Variants in MASTL observed in about 807,000 individuals in gnomAD.
MASTL encodes the protein microtubule associated serine/threonine kinase like, also known as serine/threonine-protein kinase greatwall.
Under a neutral mutation model 82.5 loss-of-function variants are expected in MASTL, and 54 were observed. That is an observed-to-expected ratio of 0.65 (90% CI 0.53 to 0.82). The LOEUF (loss-of-function observed/expected upper bound fraction) is 0.82, where lower values mean the gene tolerates loss of function less well. Among genes scored for constraint, MASTL ranks in the 40% least tolerant of loss-of-function variants. The probability of loss-of-function intolerance (pLI) is 0.00; values close to 1 mark genes in which losing one functional copy is unlikely to be tolerated. For missense variants in MASTL, 950 were observed against 1,047.8 expected (o/e 0.91, Z 1.29); for synonymous variants, 323 against 368.9 (o/e 0.88, Z 1.43).
rs768184300 is a variant in MASTL, at chr10:27,170,190, A to G, written c.1231A>G (p.Met411Val). 3 of 1,614,170 alleles carry G rather than the reference A, an allele frequency of 1.9e-6. No homozygotes were observed. Among genetic ancestry groups the G allele is most frequent in the East Asian group, 2.2e-5 (1 of 44,882 alleles). ...AVELDVNNIN[M>V]DTDTSQLGFH... is the part of the protein sequence containing the mutation. ...AGAACTGGATGTAAATAATATAAATATGGACACTGACACAAGTCAGTTAGG... is the reference window on the plus strand; with the variant it reads ...AGAACTGGATGTAAATAATATAAATGTGGACACTGACACAAGTCAGTTAGG... The change falls in exon 8 of 12, where the codon ATG (methionine) becomes GTG (valine). Residue 411 changes from methionine (M) to valine (V), a missense_variant. Transcript: ENST00000375940.
chr10:27,183,402 G>A (rs1009844999), intron 11 of MASTL, among the ~76,000 whole-genome samples: 10 of 151,956 alleles, frequency 6.6e-5, no homozygotes, highest in African/African-American at 2.4e-4. Context: ...TCCTGCCTCA[G>A]CCCCCCAAGT....
At chr10:27,161,926 C>G (rs2057585892) in intron 4 of MASTL, among the ~76,000 whole-genome samples, 1 of 151,984 alleles carries the variant, frequency 6.6e-6, no homozygotes. Flanking sequence ...AACAAAAGGA[C>G]AAAGAAAATG....
chr10:27,179,302 C>T (rs976729976), intron 9 of MASTL, among the ~76,000 whole-genome samples: 5 of 152,136 alleles, frequency 3.3e-5, no homozygotes, highest in Non-Finnish European at 5.9e-5. Flanking sequence ...CGCCTGTAAT[C>T]CAAGCACTTT....
At chr10:27,186,317 C>T in intron 11 of MASTL, 62 bp from the exon 12 acceptor site, 1 of 1,449,862 alleles carries the variant, frequency 6.9e-7, no homozygotes, top group Non-Finnish European at 9.7e-7. Flanking sequence ...ATAATAATTC[C>T]TGTAAAGCAG....
In MASTL at chr10:27,180,652, A is replaced by G. The variant is rs1485693480; in HGVS notation, c.2267-301A>G. On this transcript the variant is annotated intron_variant, in intron 9 of 11. Coordinates refer to ENST00000375940, the MANE Select transcript of MASTL (RefSeq NM_001172303.3). ...GGTAATCCACCCTCCCCAGCCACCC[A>G]AAGTGCCAGGATTACAGGCATAAGC... Among the ~76,000 whole-genome samples the G allele has an allele frequency of 2.0e-5, 3 of 152,102 alleles. No individual in the cohort carries two copies. In the East Asian group the frequency reaches 5.8e-4, roughly 29 times the overall value.
chr10:27,175,747 A>C (rs370469242), intron 9 of MASTL, among the ~76,000 whole-genome samples: 10 of 152,296 alleles, frequency 6.6e-5, no homozygotes, highest in Middle Eastern at 3.4e-3. Context: ...CAGCAGACAG[A>C]CAGCCAATCT....
intron 1 of MASTL, among the ~76,000 whole-genome samples, chr10:27,156,757 T>G (rs1189137808): frequency 6.6e-6 from 1 of 151,616 alleles, no homozygotes; most frequent in East Asian, 1.9e-4. Context: ...TGACCTCAGG[T>G]GACCCGCCCA....
intron 9 of MASTL, among the ~76,000 whole-genome samples, chr10:27,177,016 T>C (rs1222421471): frequency 6.6e-6 from 1 of 152,034 alleles, no homozygotes; most frequent in Non-Finnish European, 1.5e-5. Flanking sequence ...GGCTAATTTT[T>C]GTATTTTTAG....
chr10:27,155,730 T>G, intron 1 of MASTL, 118 bp downstream of exon 1: 1 of 1,157,648 alleles, frequency 8.6e-7, no homozygotes, highest in Non-Finnish European at 1.3e-6. Context: ...CCTGGCTTGC[T>G]GAAGCCTCCA....
Position 27,155,595 on chromosome 10 carries a change from A to C in MASTL, c.169A>C (p.Lys57Gln). 6.2e-7 allele frequency: 1 copy of C among 1,614,192 alleles called. No homozygotes were observed. The highest frequency in any genetic ancestry group is 1.1e-5 in the South Asian group (1 of 91,084). ...AGTGTATCTGGGGCAGAAAGGCGGC[A>C]AATTGTATGCAGTAAAGGTAGGAAG... is the stretch of plus-strand genomic sequence containing the variant. ...GKVYLGQKGG[K>Q]LYAVKVVKKA... is the part of the protein sequence containing the mutation. Residue 57 changes from lysine (K) to glutamine (Q), a missense_variant, in exon 1 of 12, where the codon AAA (lysine) becomes CAA (glutamine). By Grantham distance (53) the Lys-to-Gln change is moderately conservative. Coordinates refer to ENST00000375940, the MANE Select transcript of MASTL (RefSeq NM_001172303.3).
intron 8 of MASTL, among the ~76,000 whole-genome samples, chr10:27,172,514 C>G (rs1273713551): frequency 6.6e-6 from 1 of 152,050 alleles, no homozygotes; most frequent in East Asian, 1.9e-4. Flanking sequence ...ATTAGCCAGG[C>G]ATGGTGGTGT....
rs570827093 is a variant in MASTL at position 27,185,840 on chromosome 10, A to C, written c.2483-539A>C. On this transcript the variant is annotated intron_variant, in intron 11 of 11. Transcript: ENST00000375940. ...CATGGTGACTCACACCTGTAATCCC[A>C]GCACTTTGGAAGGCCAAGGTGGGCA... Among the ~76,000 whole-genome samples the C allele has an allele frequency of 1.4e-3, 217 of 151,468 alleles. 2 individuals are homozygous for C. The South Asian group carries it at 0.022, about 15-fold the overall frequency.
chr10:27,173,045 G>A (rs2057999714), intron 8 of MASTL, 73 bp from the exon 9 acceptor site: 1 of 1,574,064 alleles, frequency 6.4e-7, no homozygotes. Flanking sequence ...TTTGGCTTGT[G>A]TGTTTCACCA....
chr10:27,182,103 A>G (rs2058351008), intron 11 of MASTL, among the ~76,000 whole-genome samples: 1 of 149,002 alleles, frequency 6.7e-6, no homozygotes, highest in Non-Finnish European at 1.5e-5. Context: ...TACAAAAATT[A>G]GGCCCAGCGT....
chr10:27,157,238 A>G (rs1390591657), intron 1 of MASTL, among the ~76,000 whole-genome samples: 3 of 152,164 alleles, frequency 2.0e-5, no homozygotes, highest in African/African-American at 7.2e-5. Flanking sequence ...GATCTGATTG[A>G]ATTGGTTACT....
intron 11 of MASTL, 83 bp downstream of exon 11, chr10:27,181,664 G>C: frequency 9.5e-7 from 1 of 1,049,682 alleles, no homozygotes; most frequent in Admixed American, 1.8e-5. Flanking sequence ...GTTCTGGCTG[G>C]GCGTGGTGGC....
chr10:27,169,962 G>A lies in MASTL; in HGVS notation c.1003G>A (p.Gly335Ser). Residue 335 changes from glycine to serine, a missense_variant, in exon 8 of 12, where the codon GGC becomes AGC. Gly to Ser is a moderately conservative substitution (Grantham distance 56). Transcript: ENST00000375940. Reference sequence around the variant, plus strand: ...CTCTTAGGAAAGTGATGAAGCATTGGGCCCAACAATGATGAGTTGGAATGC... The same window carrying A: ...CTCTTAGGAAAGTGATGAAGCATTGAGCCCAACAATGATGAGTTGGAATGC... ...KDCQESDEAL[G>S]PTMMSWNAVE... 6.2e-7 allele frequency: 1 copy of A among 1,613,976 alleles called. No homozygotes were observed. The highest frequency in any genetic ancestry group is 1.3e-5 in the African/African-American group (1 of 74,984).
rs757628241 is a variant in MASTL at position 27,167,286 on chromosome 10, A to G, written c.984+12A>G. On this transcript the variant is annotated intron_variant, in intron 7 of 11. Coordinates refer to ENST00000375940, the MANE Select transcript of MASTL (RefSeq NM_001172303.3). Reference sequence around the variant, plus strand: ...AAAAAGATTGCCAGGTTTGAGGGACATTTATCTTAATGAAAATCAATTATG... The same window carrying G: ...AAAAAGATTGCCAGGTTTGAGGGACGTTTATCTTAATGAAAATCAATTATG... 6.8e-6 allele frequency: 11 copies of G among 1,605,886 alleles called. No homozygotes were observed. In the Admixed American group the frequency reaches 1.3e-4, roughly 19 times the overall value.
chr10:27,159,635 T>C lies in MASTL; in HGVS notation c.341T>C (p.Ile114Thr), dbSNP rs763254064. ...TTTTGAAAGGTAATGGAATATCTTA[T>C]TGGGGGAGATGTCAAGTCTCTCCTA... ...NNVYLVMEYLIGGDVKSLLHI... is the reference protein window; with the variant it reads ...NNVYLVMEYLTGGDVKSLLHI... Residue 114 changes from isoleucine (I) to threonine (T), a missense_variant, in exon 3 of 12, where the codon ATT becomes ACT. Coordinates refer to ENST00000375940, the MANE Select transcript of MASTL (RefSeq NM_001172303.3). The surrounding 1 kb of genome is among the most constrained non-coding windows in gnomAD (Gnocchi z 4.0). The C allele has an allele frequency of 1.3e-5, 20 of 1,525,602 alleles. No homozygotes were observed. Among genetic ancestry groups the C allele is most frequent in the Non-Finnish European group, 1.8e-5 (20 of 1,099,652 alleles). 94.5% of individuals were successfully genotyped at this position (1,525,602 alleles called of 1,614,324 possible).
Sources: allele counts gnomAD v4.1 joint callset (sites outside exome capture counted in the v4.1 genomes callset), GRCh38; gene constraint gnomAD v4.1.1; non-coding constraint Gnocchi (gnomAD v3.1); transcripts MANE v1.5; gene names NCBI Gene and HGNC (gene_info 2026-07-23, HGNC 2026-07-21).